ZNF208: variants seen among roughly 807,000 people sequenced by gnomAD.
ZNF208 encodes the protein zinc finger protein 95.
In ZNF208, 10 loss-of-function variants were observed where a neutral mutation model predicts 12.1. The ratio of observed to expected loss-of-function variants is 0.83; its 90% CI spans 0.51 to 1.40. The LOEUF is 1.40. Among genes scored for constraint, ZNF208 ranks in the 40% most tolerant of loss-of-function variants. The pLI is 0.00. For missense variants in ZNF208, 1,652 were observed against 1,485.0 expected, an observed-to-expected ratio of 1.11 and a Z score of -1.85; for synonymous variants, 497 against 488.4, an observed-to-expected ratio of 1.02 and a Z score of -0.23.
chr19:21,969,458 G>T lies in ZNF208; in HGVS notation c.*1733C>A, dbSNP rs1970237574. 6.6e-6 allele frequency among the ~76,000 whole-genome samples: 1 copy of T among 151,926 alleles called. No homozygotes were observed. The highest frequency in any genetic ancestry group is 6.6e-5 in the Admixed American group (1 of 15,226). On this transcript the variant is annotated 3_prime_UTR_variant, in exon 4 of 4. Coordinates refer to ENST00000397126, the MANE Select transcript of ZNF208 (RefSeq NM_007153.3). ...TGTAATATCTGAAGTTTGAGTGACA[G>T]GTATTTCTACTGTGAATTAGCTGAT...
intron 1 of ZNF208, among the ~76,000 whole-genome samples, chr19:22,006,767 T>C (rs1257135029): frequency 1.3e-5 from 2 of 152,216 alleles, no homozygotes; most frequent in Admixed American, 6.5e-5. Flanking sequence ...TTTGAAATTG[T>C]GTTTGAAAAA....
intron 1 of ZNF208, among the ~76,000 whole-genome samples, chr19:21,995,263 T>C (rs893410738): frequency 2.6e-5 from 4 of 152,164 alleles, no homozygotes; most frequent in Non-Finnish European, 4.4e-5. Flanking sequence ...GTTTCTTCTA[T>C]TTTTTTATGA....
chr19:21,950,667 T>C (rs1162988832), intron 4 of ZNF208, among the ~76,000 whole-genome samples: 1 of 151,930 alleles, frequency 6.6e-6, no homozygotes, highest in African/African-American at 2.4e-5. Context: ...CTAATTTTTT[T>C]TATTTTTAGT....
intron 4 of ZNF208, among the ~76,000 whole-genome samples, chr19:21,949,374 G>C (rs1227628012): frequency 6.6e-6 from 1 of 152,150 alleles, no homozygotes; most frequent in Admixed American, 6.6e-5. Flanking sequence ...CAGTACAGTA[G>C]ATAGGTCTAG....
chr19:21,967,717 G>C lies in ZNF208; in HGVS notation c.*3474C>G, dbSNP rs1369841609. On this transcript the variant is annotated 3_prime_UTR_variant, in exon 4 of 4. Transcript: ENST00000397126. ...TATTCTTTTAGTCTGAAGTTTTCTTGGCTATTTGAGCTCTTTAATTCTTTT... is the reference window on the plus strand; with the variant it reads ...TATTCTTTTAGTCTGAAGTTTTCTTCGCTATTTGAGCTCTTTAATTCTTTT... 1 of 151,924 alleles carries C rather than the reference G, an allele frequency of 6.6e-6. No individual in the cohort carries two copies. Among genetic ancestry groups the C allele is most frequent in the African/African-American group, 2.4e-5 (1 of 41,366 alleles). 9.4% of individuals were successfully genotyped at this position (151,924 alleles called of 1,614,324 possible). A position where few individuals can be genotyped will look rare whatever the true frequency, so the allele number is the denominator to read the frequency against.
chr19:22,010,824 T>C lies in ZNF208; in HGVS notation c.-30A>G. 1 of 1,613,834 alleles carries C rather than the reference T, an allele frequency of 6.2e-7. No individual in the cohort carries two copies. Among genetic ancestry groups the C allele is most frequent in the Non-Finnish European group, 8.5e-7 (1 of 1,179,892 alleles). On this transcript the variant is annotated 5_prime_UTR_variant, in exon 1 of 4. The change abolishes the stop of an existing upstream ORF in the 5' untranslated region. Coordinates refer to ENST00000397126, the MANE Select transcript of ZNF208 (RefSeq NM_007153.3). Reference sequence around the variant, plus strand: ...AGGCTTCCAGGGGGTCCTGGCGACTTAGTTGTGGATCTCCCAATACCTGCA... The same window carrying C: ...AGGCTTCCAGGGGGTCCTGGCGACTCAGTTGTGGATCTCCCAATACCTGCA...
rs1397365484 is a variant in ZNF208 at position 21,969,740 on chromosome 19, C to A, written c.*1451G>T. ...TGTGATACAAGTACATGTACTACAA[C>A]CCTCTTAATATTTATAATGTGTTTC... On this transcript the variant is annotated 3_prime_UTR_variant, in exon 4 of 4. Transcript: ENST00000397126. Among the ~76,000 whole-genome samples the A allele has an allele frequency of 4.6e-5, 6 of 130,898 alleles. No homozygotes were observed. Among genetic ancestry groups the A allele is most frequent in the African/African-American group, 1.5e-4 (6 of 40,014 alleles). The allele number at this position is 130,898 out of a possible 152,430, so 85.9% of individuals were successfully genotyped here.
downstream of ZNF208, among the ~76,000 whole-genome samples, chr19:21,963,927 C>A (rs1333894840): frequency 6.6e-6 from 1 of 151,860 alleles, no homozygotes; most frequent in East Asian, 1.9e-4. Flanking sequence ...AGACCTATTG[C>A]ACAGCAGGGT....
At chr19:21,964,884 AG>A (rs1378412227), downstream of ZNF208, among the ~76,000 whole-genome samples, 2 of 151,972 alleles carry the variant, frequency 1.3e-5, no homozygotes, top group African/African-American at 4.8e-5. Flanking sequence ...TATTTAATGA[AG>A]ATATATAAAG....
At chr19:21,988,329 A>G (rs1245129548) in intron 2 of ZNF208, among the ~76,000 whole-genome samples, 2 of 152,210 alleles carry the variant, frequency 1.3e-5, no homozygotes, top group African/African-American at 4.8e-5. Flanking sequence ...CCTGAGGGTC[A>G]TGACCAACTC....
chr19:21,947,142 G>A (rs184143041), intron 4 of ZNF208, among the ~76,000 whole-genome samples: 32 of 152,152 alleles, frequency 2.1e-4, no homozygotes, highest in East Asian at 9.7e-4. Context: ...GCAACAGGGC[G>A]AATTCAAAAT....
At chr19:21,959,819 CAGA>C (rs1246924387) in intron 4 of ZNF208, among the ~76,000 whole-genome samples, 5 of 152,038 alleles carry the variant, frequency 3.3e-5, no homozygotes, top group Non-Finnish European at 7.4e-5. Context: ...TATCTACTGT[CAGA>C]AGAAGGTAAC....
downstream of ZNF208, among the ~76,000 whole-genome samples, chr19:21,965,498 T>C (rs550906220): frequency 1.3e-3 from 192 of 152,202 alleles, no homozygotes; most frequent in African/African-American, 4.5e-3. Context: ...TGGCATCTTT[T>C]GTTCAACTAC....
chr19:22,007,710 C>G (rs1971070655), intron 1 of ZNF208, among the ~76,000 whole-genome samples: 2 of 151,774 alleles, frequency 1.3e-5, no homozygotes, highest in African/African-American at 2.4e-5. Flanking sequence ...AGTTAAAAAA[C>G]TGAGGTCAGC....
chr19:21,989,993 A>G (rs1970702138), intron 1 of ZNF208, among the ~76,000 whole-genome samples: 1 of 152,206 alleles, frequency 6.6e-6, no homozygotes, highest in Admixed American at 6.5e-5. Context: ...GCCCTTTGTC[A>G]GATGAGTAGT....
At chr19:21,957,323 G>T (rs1969992029) in intron 4 of ZNF208, among the ~76,000 whole-genome samples, 1 of 152,160 alleles carries the variant, frequency 6.6e-6, no homozygotes, top group Non-Finnish European at 1.5e-5. Flanking sequence ...CAGGCTTGAG[G>T]CACCATGCCC....
intron 3 of ZNF208, among the ~76,000 whole-genome samples, chr19:21,979,597 A>G (rs1449936469): frequency 1.3e-5 from 2 of 152,234 alleles, no homozygotes. Flanking sequence ...ATAAAAAGGA[A>G]CAACTGGTAA....
intron 4 of ZNF208, among the ~76,000 whole-genome samples, chr19:21,950,420 C>G (rs1479881793): frequency 1.3e-5 from 2 of 151,854 alleles, no homozygotes; most frequent in Non-Finnish European, 2.9e-5. Context: ...ATAAGTTCCT[C>G]TCCAAATCTG....
downstream of ZNF208, among the ~76,000 whole-genome samples, chr19:21,964,627 T>C (rs1347808585): frequency 6.6e-6 from 1 of 151,714 alleles, no homozygotes; most frequent in Non-Finnish European, 1.5e-5. Flanking sequence ...TCTCATGACT[T>C]AAAACAGCCA....
Sources: allele counts gnomAD v4.1 joint callset (sites outside exome capture counted in the v4.1 genomes callset), GRCh38; gene constraint gnomAD v4.1.1; transcripts MANE v1.5; gene names NCBI Gene and HGNC (gene_info 2026-07-23, HGNC 2026-07-21).